Variants in PCSK6 observed in about 807,000 individuals in gnomAD.
PCSK6 encodes proprotein convertase subtilisin/kexin type 6.
A neutral mutation model predicts 123.3 loss-of-function variants in PCSK6; 85 were observed. The observed-to-expected ratio is 0.69, with a 90% CI of 0.58 to 0.83. The LOEUF (loss-of-function observed/expected upper bound fraction) is 0.83. Ranked by LOEUF, PCSK6 falls within the 40% of genes least tolerant of loss-of-function variation. The pLI is 0.00. For missense variants in PCSK6, 1,191 were observed against 1,282.3 expected (o/e 0.93, Z 1.09); for synonymous variants, 508 against 516.0 (o/e 0.98, Z 0.21).
At chr15:101,307,697 G>A in intron 20 of PCSK6, 1 of 215,682 alleles carries the variant, frequency 4.6e-6, no homozygotes, top group Non-Finnish European at 9.4e-6. Context: ...CTCTCCAGCG[G>A]CTGCCGGGCT....
intron 1 of PCSK6, among the ~76,000 whole-genome samples, chr15:101,467,169 G>A (rs1363892178): frequency 6.6e-6 from 1 of 152,016 alleles, no homozygotes; most frequent in African/African-American, 2.4e-5. Context: ...GGATTCATAT[G>A]CCGTATATGT....
chr15:101,347,735 T>C (rs1596210986), intron 13 of PCSK6: 1 of 1,613,842 alleles, frequency 6.2e-7, no homozygotes, highest in Non-Finnish European at 8.5e-7. Context: ...ACCAAAGCTC[T>C]TGTTCAATCT....
At chr15:101,424,459 G>T (rs943364593) in intron 6 of PCSK6, among the ~76,000 whole-genome samples, 1 of 152,176 alleles carries the variant, frequency 6.6e-6, no homozygotes, top group Non-Finnish European at 1.5e-5. Flanking sequence ...GATAAAATTG[G>T]AGAGAATTTT....
intron 6 of PCSK6, among the ~76,000 whole-genome samples, chr15:101,419,184 T>A (rs2898870): frequency 0.25 from 37,741 of 151,760 alleles, 4,948 homozygotes; most frequent in East Asian, 0.38. Flanking sequence ...TTATTTAACA[T>A]CTCTCCAGAA....
rs190852716 is a variant in PCSK6 at position 101,427,461 on chromosome 15, G to A, written c.823+431C>T. Reference sequence around the variant, plus strand: ...AAATGTCCTCTAAGGTCAGAGCAGGGGCAGGAGAAGTGGGCCAGCAGGCTT... The same window carrying A: ...AAATGTCCTCTAAGGTCAGAGCAGGAGCAGGAGAAGTGGGCCAGCAGGCTT... On this transcript the variant is annotated intron_variant, in intron 6 of 21. Coordinates refer to ENST00000611716, the MANE Select transcript of PCSK6 (RefSeq NM_002570.5). 1.2e-3 allele frequency among the ~76,000 whole-genome samples: 188 copies of A among 152,322 alleles called. 2 individuals are homozygous for A. Among genetic ancestry groups the A allele is most frequent in the African/African-American group, 4.4e-3 (181 of 41,568 alleles).
intron 2 of PCSK6, among the ~76,000 whole-genome samples, chr15:101,439,786 T>C (rs933681598): frequency 2.6e-5 from 4 of 152,212 alleles, no homozygotes; most frequent in African/African-American, 9.6e-5. Flanking sequence ...ACAGAATGCC[T>C]CCTCTGGTCC....
At chr15:101,419,696 AACTG>A (rs3031779) in intron 6 of PCSK6, among the ~76,000 whole-genome samples, 76,877 of 151,120 alleles carry the variant, frequency 0.51, 19,567 homozygotes, top group African/African-American at 0.55. Flanking sequence ...AACTCTCCTA[AACTG>A]ACTGTAATAA....
chr15:101,466,752 C>A (rs1257460290), intron 1 of PCSK6, among the ~76,000 whole-genome samples: 7 of 51,704 alleles, frequency 1.4e-4, no homozygotes, highest in Non-Finnish European at 3.6e-4. Context: ...ACAAAAAGAC[C>A]CTATTATTAC....
intron 2 of PCSK6, among the ~76,000 whole-genome samples, chr15:101,438,411 A>G (rs2056663335): frequency 6.6e-6 from 1 of 152,242 alleles, no homozygotes; most frequent in South Asian, 2.1e-4. Context: ...TAGGAGTCAC[A>G]TCTCTGGAAC....
intron 6 of PCSK6, among the ~76,000 whole-genome samples, chr15:101,404,702 C>T (rs767698240): frequency 9.9e-5 from 15 of 152,148 alleles, no homozygotes; most frequent in Non-Finnish European, 1.6e-4. Flanking sequence ...AGAAGATTAA[C>T]GAAAAGCTAA....
In PCSK6 at chr15:101,398,090, G is replaced by A. The variant is rs2042470151; in HGVS notation, c.996+314C>T. On this transcript the variant is annotated intron_variant, in intron 7 of 21. Coordinates refer to ENST00000611716, the MANE Select transcript of PCSK6 (RefSeq NM_002570.5). This position sits in a 1 kb window ranked among gnomAD's most constrained non-coding sequence, Gnocchi z 4.6. ...GCCAGGTGAGCTGCCTTAGACCCCC[G>A]TCACCCACCTGTGTACCCCCTTCAG... is the stretch of plus-strand genomic sequence containing the variant. Among the ~76,000 whole-genome samples, 1 of 152,190 alleles carries A rather than the reference G, an allele frequency of 6.6e-6. No homozygotes were observed. Among genetic ancestry groups the A allele is most frequent in the Non-Finnish European group, 1.5e-5 (1 of 68,034 alleles).
chr15:101,468,832 TG>T (rs1255995072), intron 1 of PCSK6, among the ~76,000 whole-genome samples: 2 of 152,212 alleles, frequency 1.3e-5, no homozygotes, highest in Non-Finnish European at 2.9e-5. Flanking sequence ...TCTGCACTAG[TG>T]ATGACAGCTC....
At chr15:101,371,861 C>G (rs2041597550) in intron 11 of PCSK6, among the ~76,000 whole-genome samples, 1 of 152,228 alleles carries the variant, frequency 6.6e-6, no homozygotes, top group African/African-American at 2.4e-5. Context: ...CTGCAGAAAG[C>G]AGGGTCCCCT....
At chr15:101,345,148 G>C (rs185914582) in intron 13 of PCSK6, among the ~76,000 whole-genome samples, 109 of 152,252 alleles carry the variant, frequency 7.2e-4, no homozygotes, top group Non-Finnish European at 1.2e-4. Flanking sequence ...AGATGAAGCA[G>C]ATGCCTTCAA....
At chr15:101,322,681 C>T in intron 17 of PCSK6, 74 bp from the exon 18 acceptor site, 1 of 956,444 alleles carries the variant, frequency 1.0e-6, no homozygotes, top group Non-Finnish European at 1.7e-6. Flanking sequence ...AAGCAGGCCC[C>T]CGGCATTTCA....
At chr15:101,349,588 T>C (rs1322826887) in intron 13 of PCSK6, among the ~76,000 whole-genome samples, 1 of 152,166 alleles carries the variant, frequency 6.6e-6, no homozygotes, top group Non-Finnish European at 1.5e-5. Context: ...ACACTTGCAG[T>C]GGCAGGTAGG....
chr15:101,486,501 A>T (rs771111053), intron 1 of PCSK6, among the ~76,000 whole-genome samples: 10 of 152,202 alleles, frequency 6.6e-5, no homozygotes, highest in Non-Finnish European at 1.5e-4. Flanking sequence ...GCCGATAATG[A>T]CATTGGACAC....
In PCSK6 at chr15:101,404,145, GACAA is replaced by G. The variant is rs554716202; in HGVS notation, c.824-5573_824-5570del. Among the ~76,000 whole-genome samples, 808 of 152,302 alleles carry G rather than the reference GACAA, an allele frequency of 5.3e-3. 6 individuals carry two copies. The highest frequency in any genetic ancestry group is 0.019 in the African/African-American group (780 of 41,544). ...TCTCACTGTGTTTATGGTAGCTCTA[GACAA>G]ACAGAGGTTCTTAATTTTAATAGAG... On this transcript the variant is annotated intron_variant, in intron 6 of 21. Coordinates refer to ENST00000611716, the MANE Select transcript of PCSK6 (RefSeq NM_002570.5).
intron 9 of PCSK6, among the ~76,000 whole-genome samples, chr15:101,384,797 A>G (rs1358607256): frequency 2.0e-5 from 3 of 152,224 alleles, no homozygotes; most frequent in Non-Finnish European, 1.5e-5. Flanking sequence ...AAGCAAATAC[A>G]ACAGTGCATA....
Sources: allele counts gnomAD v4.1 joint callset (sites outside exome capture counted in the v4.1 genomes callset), GRCh38; gene constraint gnomAD v4.1.1; non-coding constraint Gnocchi (gnomAD v3.1); transcripts MANE v1.5; gene names NCBI Gene and HGNC (gene_info 2026-07-23, HGNC 2026-07-21).